Variants in PRDM1 observed in about 807,000 individuals in gnomAD.
The protein encoded by PRDM1 is PR domain zinc finger protein 1.
Under a neutral mutation model 62.8 loss-of-function variants are expected in PRDM1, and 13 were observed. That is an observed-to-expected ratio of 0.21 (90% CI 0.13 to 0.33). The LOEUF is 0.33. PRDM1 is among the 10% of genes least tolerant of loss of function. The pLI is 1.00. For synonymous variants in PRDM1, 396 were observed against 417.6 expected (o/e 0.95, Z 0.63); for missense variants, 895 against 1,058.8 (o/e 0.85, Z 2.15).
intron 1 of PRDM1, among the ~76,000 whole-genome samples, chr6:106,002,111 A>C (rs938543249): frequency 7.4e-5 from 11 of 148,682 alleles, no homozygotes; most frequent in African/African-American, 2.7e-4. Flanking sequence ...GTTGGGTTGC[A>C]AAAAAAAAAT....
chr6:106,006,387 A>AC (rs1197960911), intron 1 of PRDM1, among the ~76,000 whole-genome samples: 1 of 151,994 alleles, frequency 6.6e-6, no homozygotes, highest in Non-Finnish European at 1.5e-5. Flanking sequence ...TCCTCCACAG[A>AC]CCCCTATCTA....
At chr6:106,028,182 C>G (rs1772791425) in intron 1 of PRDM1, among the ~76,000 whole-genome samples, 1 of 152,184 alleles carries the variant, frequency 6.6e-6, no homozygotes, top group South Asian at 2.1e-4. Flanking sequence ...TCTTTTTCCT[C>G]CAGCGGGGCT....
chr6:106,014,214 C>T (rs1163220436), intron 1 of PRDM1, among the ~76,000 whole-genome samples: 1 of 151,928 alleles, frequency 6.6e-6, no homozygotes, highest in African/African-American at 2.4e-5. Context: ...CATGCACCAC[C>T]ATGCCTTGCT....
chr6:106,057,467 C>T (rs571650664), intron 1 of PRDM1, among the ~76,000 whole-genome samples: 1 of 152,216 alleles, frequency 6.6e-6, no homozygotes, highest in South Asian at 2.1e-4. Flanking sequence ...TACTTTTTCA[C>T]TATAATTTTT....
intron 1 of PRDM1, chr6:106,087,937 C>CT (rs67873862): frequency 0.048 from 9,444 of 196,136 alleles, 63 homozygotes; most frequent in Non-Finnish European, 0.058. Context: ...AGAGGTGATT[C>CT]TTTTTTTTTT....
intron 1 of PRDM1, among the ~76,000 whole-genome samples, chr6:106,086,986 T>G (rs1386618787): frequency 1.4e-5 from 2 of 145,702 alleles, no homozygotes; most frequent in South Asian, 4.3e-4. Flanking sequence ...TGCATCCAAC[T>G]TTTTTTTTTT....
chr6:106,008,246 G>A (rs1425059800), intron 1 of PRDM1, among the ~76,000 whole-genome samples: 3 of 152,108 alleles, frequency 2.0e-5, no homozygotes, highest in South Asian at 2.1e-4. Flanking sequence ...GGTGGCGCGC[G>A]CCTGTAGTCC....
intron 1 of PRDM1, among the ~76,000 whole-genome samples, chr6:106,027,178 G>T (rs1039370727): frequency 2.0e-5 from 3 of 152,152 alleles, no homozygotes; most frequent in African/African-American, 7.2e-5. Flanking sequence ...TTTAAAATTC[G>T]GGAAGTGCCG....
chr6:106,013,334 T>TC (rs932312503), intron 1 of PRDM1, among the ~76,000 whole-genome samples: 2 of 151,052 alleles, frequency 1.3e-5, no homozygotes, highest in Admixed American at 6.6e-5. Context: ...ACTTTTCTTT[T>TC]TTTTTTTTTT....
chr6:106,080,266 T>C (rs1210311760), intron 1 of PRDM1, among the ~76,000 whole-genome samples: 1 of 152,226 alleles, frequency 6.6e-6, no homozygotes, highest in Non-Finnish European at 1.5e-5. Flanking sequence ...ATCCTAAGTG[T>C]GCCTCGTGCC....
intron 1 of PRDM1, among the ~76,000 whole-genome samples, chr6:106,030,642 T>C (rs962241856): frequency 2.5e-4 from 38 of 152,344 alleles, no homozygotes; most frequent in African/African-American, 8.7e-4. Flanking sequence ...TACATTTTCT[T>C]ATGGCAGTTT....
intron 1 of PRDM1, among the ~76,000 whole-genome samples, chr6:106,025,499 G>A (rs1772752086): frequency 6.6e-6 from 1 of 152,138 alleles, no homozygotes; most frequent in Non-Finnish European, 1.5e-5. Flanking sequence ...TTAGGATTGT[G>A]TTTATTTTTC....
intron 1 of PRDM1, among the ~76,000 whole-genome samples, chr6:105,996,259 A>C (rs1772347795): frequency 6.6e-6 from 1 of 152,226 alleles, no homozygotes; most frequent in Admixed American, 6.5e-5. Flanking sequence ...AGTACCCTGA[A>C]ATATAAGCAC....
At chr6:106,072,555 G>A (rs1343301486) in intron 1 of PRDM1, among the ~76,000 whole-genome samples, 2 of 152,224 alleles carry the variant, frequency 1.3e-5, no homozygotes, top group Non-Finnish European at 2.9e-5. Flanking sequence ...CCCACAGTTA[G>A]TCCCACAGTC....
chr6:106,056,998 A>AT lies in PRDM1; in HGVS notation c.-67+8288dup, dbSNP rs748369675. Among the ~76,000 whole-genome samples the AT allele has an allele frequency of 1.2e-4, 19 of 152,322 alleles. No individual in the cohort carries two copies. The Middle Eastern group carries it at 0.014, about 109-fold the overall frequency. On this transcript the variant is annotated intron_variant, in intron 1 of 6. Coordinates refer to the PRDM1 transcript ENST00000651185. The stretch of plus-strand genomic sequence containing the variant: ...AAGGAATATGACTTCAGCACTATAC[A>AT]TTTTGAATAGCCAGAAAGGGTTCAT...
At position 106,103,192 on chromosome 6, in the gene PRDM1, C is replaced by T. The variant is rs1395719978; in HGVS notation, c.665-1633C>T. On this transcript the variant is annotated intron_variant, in intron 4 of 6. Transcript: ENST00000369096. ...TGTGTTTATTCTGGGGCTTCAGGCT[C>T]GCCCAGGAGGAACTGATAACCGCTG... Among the ~76,000 whole-genome samples, 8 of 152,202 alleles carry T rather than the reference C, an allele frequency of 5.3e-5. No individual in the cohort carries two copies. In the East Asian group the frequency reaches 1.5e-3, roughly 29 times the overall value.
rs1773811141 is a variant in PRDM1, at chr6:106,086,538, A to T, written c.-16A>T. The T allele has an allele frequency of 3.2e-6, 5 of 1,551,532 alleles. No individual in the cohort carries two copies. Among genetic ancestry groups the T allele is most frequent in the Middle Eastern group, 1.7e-4 (1 of 5,994 alleles). ...GAGAATGTGGACTGGGTAGAGATGA[A>T]CGAGACTTTTCTCAGATGTTGGATA... On this transcript the variant is annotated 5_prime_UTR_variant, in exon 1 of 7. Transcript: ENST00000369096.
At chr6:106,067,047 A>C (rs1773445065) in intron 1 of PRDM1, among the ~76,000 whole-genome samples, 1 of 152,144 alleles carries the variant, frequency 6.6e-6, no homozygotes, top group Non-Finnish European at 1.5e-5. Context: ...AGGGAAGGTA[A>C]TTAACTTGGC....
intron 1 of PRDM1, among the ~76,000 whole-genome samples, chr6:106,041,554 G>A (rs918306072): frequency 6.6e-6 from 1 of 152,098 alleles, no homozygotes; most frequent in African/African-American, 2.4e-5. Flanking sequence ...AAAACCATCA[G>A]GCATGACTAT....
Sources: allele counts gnomAD v4.1 joint callset (sites outside exome capture counted in the v4.1 genomes callset), GRCh38; gene constraint gnomAD v4.1.1; transcripts MANE v1.5; gene names NCBI Gene and HGNC (gene_info 2026-07-23, HGNC 2026-07-21).